Variants in NDRG3 observed in about 807,000 individuals in gnomAD.
NDRG3 encodes the protein protein NDRG3.
Under a neutral mutation model 57.2 loss-of-function variants are expected in NDRG3, and 23 were observed. The ratio of observed to expected loss-of-function variants is 0.40; its 90% confidence interval spans 0.29 to 0.57. The LOEUF is 0.57. Ranked by LOEUF, NDRG3 falls within the 20% of genes least tolerant of loss-of-function variation. The pLI, the probability that NDRG3 is intolerant of heterozygous loss-of-function variation, is 0.42. For synonymous variants in NDRG3, 132 were observed against 162.6 expected (o/e 0.81, Z 1.43); for missense variants, 384 against 457.3 (o/e 0.84, Z 1.46).
At chr20:36,671,229 G>GTTA (rs1025162487) in intron 9 of NDRG3, 112 bp downstream of exon 9, 1 of 856,026 alleles carries the variant, frequency 1.2e-6, no homozygotes, top group African/African-American at 1.7e-5. Context: ...CATTGGAACT[G>GTTA]TTACTTGCTA....
chr20:36,719,047 C>T (rs1417161890), intron 2 of NDRG3, among the ~76,000 whole-genome samples: 1 of 152,084 alleles, frequency 6.6e-6, no homozygotes, highest in Non-Finnish European at 1.5e-5. Flanking sequence ...CAGCCCTTCA[C>T]ATACACACAT....
chr20:36,700,849 C>T (rs1568653741), intron 3 of NDRG3, among the ~76,000 whole-genome samples: 1 of 152,102 alleles, frequency 6.6e-6, no homozygotes, highest in Non-Finnish European at 1.5e-5. Context: ...TCATAGCTCA[C>T]TGTAATCTTG....
At chr20:36,707,244 G>A (rs181194820) in intron 2 of NDRG3, among the ~76,000 whole-genome samples, 77 of 152,294 alleles carry the variant, frequency 5.1e-4, no homozygotes, top group African/African-American at 1.8e-3. Flanking sequence ...TAAAGGAAAG[G>A]GGCCTAGTTT....
At chr20:36,706,780 G>C (rs926055800) in intron 3 of NDRG3, among the ~76,000 whole-genome samples, 192 bp downstream of exon 3, 3 of 152,164 alleles carry the variant, frequency 2.0e-5, no homozygotes, top group African/African-American at 4.8e-5. Flanking sequence ...TGGAATTATA[G>C]GTATGAGCCC....
chr20:36,740,174 C>T (rs1033475980), intron 1 of NDRG3, among the ~76,000 whole-genome samples: 2 of 152,128 alleles, frequency 1.3e-5, no homozygotes, highest in Admixed American at 6.6e-5. Flanking sequence ...GTGGCATCTC[C>T]ACACAAAAAG....
intron 12 of NDRG3, among the ~76,000 whole-genome samples, chr20:36,661,372 G>A (rs1979188677): frequency 6.6e-6 from 1 of 152,162 alleles, no homozygotes; most frequent in Non-Finnish European, 1.5e-5. Context: ...TATTATTTTA[G>A]GGCTATTTTG....
intron 6 of NDRG3, among the ~76,000 whole-genome samples, chr20:36,683,239 GTC>G (rs1396798386): frequency 3.3e-5 from 5 of 151,846 alleles, no homozygotes; most frequent in Non-Finnish European, 7.4e-5. Flanking sequence ...GTGAGACTCT[GTC>G]TCAAAAAAAA....
At position 36,692,374 on chromosome 20, in the gene NDRG3, C is replaced by CTA. The variant is rs1982337333; in HGVS notation, c.94-3591_94-3590insTA. ...AAGTAGCTGGGACTACAGGTGTGCA[C>CTA]CACCAAGCCCCACTAATTTTTGTAT... On this transcript the variant is annotated intron_variant, in intron 3 of 15. Transcript: ENST00000349004. Among the ~76,000 whole-genome samples the CTA allele has an allele frequency of 3.3e-5, 5 of 152,242 alleles. No homozygotes were observed. The East Asian group carries it at 9.7e-4, about 29-fold the overall frequency.
intron 2 of NDRG3, among the ~76,000 whole-genome samples, chr20:36,719,887 C>T (rs554869930): frequency 2.5e-4 from 38 of 152,118 alleles, no homozygotes; most frequent in African/African-American, 8.7e-4. Context: ...GAGGCCAAGG[C>T]AGGTAGATCA....
At chr20:36,660,294 A>G (rs777821289) in intron 13 of NDRG3, 43 bp downstream of exon 13, 1 of 1,415,604 alleles carries the variant, frequency 7.1e-7, no homozygotes, top group Non-Finnish European at 9.8e-7. Context: ...GATTAATCTG[A>G]AGCACATATA....
intron 8 of NDRG3, among the ~76,000 whole-genome samples, chr20:36,673,207 T>C (rs960423080): frequency 2.5e-4 from 38 of 152,102 alleles, no homozygotes; most frequent in African/African-American, 8.0e-4. Flanking sequence ...GGAATTTCCA[T>C]AGCATCTGGC....
intron 8 of NDRG3, among the ~76,000 whole-genome samples, chr20:36,676,544 C>T (rs1273377386): frequency 1.3e-5 from 2 of 152,132 alleles, no homozygotes; most frequent in African/African-American, 2.4e-5. Context: ...CTCACTGCAA[C>T]CTCTGCCTCC....
chr20:36,672,826 C>T (rs367870451), intron 8 of NDRG3, among the ~76,000 whole-genome samples: 77 of 146,856 alleles, frequency 5.2e-4, no homozygotes, highest in African/African-American at 1.9e-3. Flanking sequence ...AAGATTCCGT[C>T]TCAAAAAAAA....
At chr20:36,680,933 A>G in intron 7 of NDRG3, 31 bp from the exon 8 acceptor site, 1 of 1,561,974 alleles carries the variant, frequency 6.4e-7, no homozygotes, top group Non-Finnish European at 8.8e-7. Context: ...AATAGTATGA[A>G]AGCTACACTC....
At chr20:36,716,359 C>T (rs552673418) in intron 2 of NDRG3, among the ~76,000 whole-genome samples, 2 of 152,006 alleles carry the variant, frequency 1.3e-5, no homozygotes, top group East Asian at 3.9e-4. Context: ...ATGGCAAAAC[C>T]CCATCTCTAC....
rs1318058315 is a variant in NDRG3 at position 36,653,070 on chromosome 20, C to A, written c.*450G>T. On this transcript the variant is annotated 3_prime_UTR_variant, in exon 16 of 16. Coordinates refer to ENST00000349004, the MANE Select transcript of NDRG3 (RefSeq NM_032013.4). The surrounding 1 kb of genome is among the most constrained non-coding windows in gnomAD (Gnocchi z 4.2). The stretch of plus-strand genomic sequence containing the variant: ...CTACCCAACCTAGAAATCTGTTCTG[C>A]CTAATTCCCTTAAAAACACCATTGA... 6.5e-6 allele frequency: 1 copy of A among 153,620 alleles called. No homozygotes were observed. Among genetic ancestry groups the A allele is most frequent in the Non-Finnish European group, 1.5e-5 (1 of 68,712 alleles). 9.5% of individuals were successfully genotyped at this position (153,620 alleles called of 1,614,324 possible). A position where few individuals can be genotyped will look rare whatever the true frequency, so the allele number is the denominator to read the frequency against.
At chr20:36,734,088 G>A (rs896347161) in intron 1 of NDRG3, among the ~76,000 whole-genome samples, 4 of 152,148 alleles carry the variant, frequency 2.6e-5, no homozygotes, top group African/African-American at 7.2e-5. Flanking sequence ...GCCTGGGCAC[G>A]GTGGCTCACG....
chr20:36,669,073 T>C (rs973208452), intron 9 of NDRG3, among the ~76,000 whole-genome samples: 2 of 151,736 alleles, frequency 1.3e-5, no homozygotes, highest in African/African-American at 4.8e-5. Flanking sequence ...TTTTTTTTTT[T>C]GAGACAGAGT....
intron 8 of NDRG3, 87 bp from the exon 9 acceptor site, chr20:36,671,484 T>A (rs1023535450): frequency 6.2e-6 from 6 of 967,548 alleles, no homozygotes. Context: ...CACTTTATTA[T>A]ATATGTTATC....
Sources: allele counts gnomAD v4.1 joint callset (sites outside exome capture counted in the v4.1 genomes callset), GRCh38; gene constraint gnomAD v4.1.1; non-coding constraint Gnocchi (gnomAD v3.1); transcripts MANE v1.5; gene names NCBI Gene and HGNC (gene_info 2026-07-23, HGNC 2026-07-21).